Variants in ANK1 observed in about 807,000 individuals in gnomAD.
ANK1 encodes the protein ankyrin 1.
In ANK1, 51 loss-of-function variants were observed where a neutral mutation model predicts 210.4. The ratio of observed to expected loss-of-function variants is 0.24; its 90% CI spans 0.19 to 0.31. The LOEUF (loss-of-function observed/expected upper bound fraction) is 0.31. Ranked by LOEUF, ANK1 falls within the 10% of genes least tolerant of loss-of-function variation. The pLI is 1.00. For missense variants in ANK1, 2,051 were observed against 2,504.4 expected (o/e 0.82, Z 3.86); for synonymous variants, 967 against 1,025.9 (o/e 0.94, Z 1.10).
At chr8:41,769,586 A>T (rs1842593760) in intron 1 of ANK1, among the ~76,000 whole-genome samples, 2 of 152,238 alleles carry the variant, frequency 1.3e-5, no homozygotes, top group Admixed American at 6.5e-5. Context: ...TGACTTGCAC[A>T]ATGAACTGAA....
intron 1 of ANK1, among the ~76,000 whole-genome samples, chr8:41,809,842 A>G (rs1288858644): frequency 3.3e-5 from 5 of 152,210 alleles, no homozygotes; most frequent in Admixed American, 3.3e-4. Flanking sequence ...ACAGCTAATT[A>G]CTGACTGAGG....
intron 1 of ANK1, among the ~76,000 whole-genome samples, chr8:41,844,840 G>A (rs1161224691): frequency 6.6e-6 from 1 of 152,122 alleles, no homozygotes; most frequent in Non-Finnish European, 1.5e-5. Flanking sequence ...GTTAGAAGGG[G>A]GTGAGTGAGA....
chr8:41,672,615 C>T lies in ANK1; in HGVS notation c.4835G>A (p.Gly1612Asp), dbSNP rs145857478. Residue 1612 changes from glycine to aspartate, a missense_variant, in exon 38 of 43, where the codon GGC becomes GAC. This residue lies in a region of ANK1 where 496 missense variants were observed against 533.4 expected (regional missense o/e 0.93). Transcript: ENST00000289734. ...AAGTTCCAGAGAGCCCAACTCGGGGCCCCGCGGTTCCTCTGAGAGTGCCCC... is the reference window on the plus strand; with the variant it reads ...AAGTTCCAGAGAGCCCAACTCGGGGTCCCGCGGTTCCTCTGAGAGTGCCCC... The part of the protein sequence containing the change: ...LEGALSEEPR[G>D]PELGSLELVE... 4 of 1,614,100 alleles carry T rather than the reference C, an allele frequency of 2.5e-6. No homozygotes were observed. The African/African-American group carries it at 4.0e-5, about 16-fold the overall frequency.
Position 41,688,495 on chromosome 8 carries a change from C to T in ANK1, c.4183+16G>A. The T allele has an allele frequency of 1.9e-6, 3 of 1,613,082 alleles. No individual in the cohort carries two copies. Among genetic ancestry groups the T allele is most frequent in the Non-Finnish European group, 2.5e-6 (3 of 1,179,042 alleles). On this transcript the variant is annotated intron_variant, in intron 34 of 42. Coordinates refer to ENST00000289734, the MANE Select transcript of ANK1 (RefSeq NM_000037.4). ...TGGGAAGGGAGCAAGCATGCATCAT[C>T]ACACAGAGGCCGTACCTGGTGTGGA...
intron 38 of ANK1, among the ~76,000 whole-genome samples, chr8:41,668,782 C>T (rs1327502565): frequency 6.6e-6 from 1 of 152,192 alleles, no homozygotes; most frequent in Non-Finnish European, 1.5e-5. Flanking sequence ...CCATCTAATG[C>T]TGTCCAGGTG....
chr8:41,889,260 C>T (rs1213224528), intron 1 of ANK1, among the ~76,000 whole-genome samples: 1 of 152,168 alleles, frequency 6.6e-6, no homozygotes, highest in Non-Finnish European at 1.5e-5. Context: ...TGTTAATAAG[C>T]TTTGGAGTCA....
At chr8:41,686,915 A>C (rs1440626280) in intron 35 of ANK1, among the ~76,000 whole-genome samples, 2 of 152,228 alleles carry the variant, frequency 1.3e-5, no homozygotes, top group African/African-American at 2.4e-5. Flanking sequence ...AGGATGAAGA[A>C]GACTGGGGAG....
chr8:41,692,797 G>T lies in ANK1; in HGVS notation c.3709C>A (p.Pro1237Thr), dbSNP rs765958291. The change falls in exon 31 of 43, where the codon CCC becomes ACC. Residue 1237 changes from proline to threonine, a missense_variant. Around this residue, in one of 6 missense-constraint regions of ANK1, gnomAD observed 1,413 missense variants for 1,707.4 expected, o/e 0.83. Transcript: ENST00000289734. ...TLLYKELTAV[P>T]YMAKFVIFAK... ...AAGATGACGAATTTGGCCATGTAGG[G>T]CACTGCAGTGAGCTCTTTGTACAGC... The T allele has an allele frequency of 3.7e-6, 6 of 1,614,138 alleles. No individual in the cohort carries two copies. The highest frequency in any genetic ancestry group is 5.1e-6 in the Non-Finnish European group (6 of 1,180,020).
At chr8:41,863,937 G>A (rs748026380) in intron 1 of ANK1, among the ~76,000 whole-genome samples, 8 of 152,032 alleles carry the variant, frequency 5.3e-5, no homozygotes, top group East Asian at 1.9e-4. Context: ...CACGTTCTGC[G>A]CTTTTGTTAA....
At chr8:41,842,658 G>A (rs964078685) in intron 1 of ANK1, among the ~76,000 whole-genome samples, 8 of 152,268 alleles carry the variant, frequency 5.3e-5, no homozygotes, top group Admixed American at 2.0e-4. Context: ...TACAGGAAGC[G>A]CATATTAGTG....
At chr8:41,821,374 T>A (rs1355231838) in intron 1 of ANK1, among the ~76,000 whole-genome samples, 1 of 152,224 alleles carries the variant, frequency 6.6e-6, no homozygotes. Flanking sequence ...TACTTTGTTG[T>A]ACTATAGTTA....
intron 16 of ANK1, among the ~76,000 whole-genome samples, chr8:41,713,013 A>G (rs1826585293): frequency 6.6e-6 from 1 of 152,146 alleles, no homozygotes; most frequent in African/African-American, 2.4e-5. Flanking sequence ...TCTGTAGAAG[A>G]GCGATGCTGC....
rs771477554 is a variant in ANK1 at position 41,895,173 on chromosome 8, G to A, written c.126+1182C>T. ...GCTGCAGGCTCCAAACTTCTTTCTC[G>A]GAATGAGACAGTTTCAGGGAAAGAA... On this transcript the variant is annotated intron_variant, in intron 1 of 42. Transcript: ENST00000265709. 7.2e-5 allele frequency among the ~76,000 whole-genome samples: 11 copies of A among 152,096 alleles called. 1 individual carries two copies. The highest frequency in any genetic ancestry group is 4.8e-5 in the African/African-American group (2 of 41,414).
chr8:41,787,142 G>A (rs1021917361), intron 1 of ANK1, among the ~76,000 whole-genome samples: 7 of 152,250 alleles, frequency 4.6e-5, no homozygotes, highest in Non-Finnish European at 4.4e-5. Flanking sequence ...GGACTGGAGG[G>A]CAGGCCCTGG....
chr8:41,836,757 A>T (rs1341929485), intron 1 of ANK1, among the ~76,000 whole-genome samples: 2 of 152,124 alleles, frequency 1.3e-5, no homozygotes, highest in African/African-American at 4.8e-5. Flanking sequence ...TATAAAAAAA[A>T]AATTTTGTTT....
chr8:41,718,276 C>T, intron 10 of ANK1, 72 bp from the exon 11 acceptor site: 3 of 1,483,574 alleles, frequency 2.0e-6, no homozygotes, highest in African/African-American at 1.4e-5. Context: ...CAGAAGACCA[C>T]CTGGCTGCTC....
chr8:41,762,692 T>C (rs950321619), intron 1 of ANK1, among the ~76,000 whole-genome samples: 2 of 152,246 alleles, frequency 1.3e-5, no homozygotes, highest in African/African-American at 4.8e-5. Context: ...TAAATGTTAC[T>C]TATGCTACTG....
At chr8:41,660,417 C>T (rs1443986418) in intron 42 of ANK1, 1 of 469,974 alleles carries the variant, frequency 2.1e-6, no homozygotes, top group Non-Finnish European at 4.4e-6. Context: ...TGCCCCCTCA[C>T]CTCCTGCTGA....
At chr8:41,699,601 C>T in intron 22 of ANK1, 53 bp from the exon 23 acceptor site, 2 of 1,563,202 alleles carry the variant, frequency 1.3e-6, no homozygotes, top group Non-Finnish European at 1.8e-6. Context: ...AAGAGTCCCT[C>T]TTTTTTTAAA....
Sources: allele counts gnomAD v4.1 joint callset (sites outside exome capture counted in the v4.1 genomes callset), GRCh38; gene constraint gnomAD v4.1.1; regional missense constraint gnomAD v4.1.1; transcripts MANE v1.5; gene names NCBI Gene and HGNC (gene_info 2026-07-23, HGNC 2026-07-21).